NPNT: variants seen among roughly 807,000 people sequenced by gnomAD.
NPNT encodes nephronectin.
NPNT carries 45 observed loss-of-function variants against 68.6 expected under a neutral mutation model. That is an observed-to-expected ratio of 0.66 (90% CI 0.52 to 0.84). NPNT has a LOEUF of 0.84. Ranked by LOEUF, NPNT falls within the 40% of genes least tolerant of loss-of-function variation. The pLI is 0.00. For synonymous variants in NPNT, 233 were observed against 253.3 expected (o/e 0.92, Z 0.76); for missense variants, 672 against 714.8 (o/e 0.94, Z 0.68).
chr4:105,931,423 T>G (rs138905462), intron 3 of NPNT, among the ~76,000 whole-genome samples: 240 of 152,194 alleles, frequency 1.6e-3, no homozygotes, highest in African/African-American at 5.4e-3. Context: ...CAGATACTAA[T>G]TTTGTGGACT....
At chr4:105,953,718 G>T (rs1731004850) in intron 8 of NPNT, among the ~76,000 whole-genome samples, 1 of 152,152 alleles carries the variant, frequency 6.6e-6, no homozygotes, top group African/African-American at 2.4e-5. Flanking sequence ...ACAGCCTTCA[G>T]AATATTGGAA....
At position 105,964,688 on chromosome 4, in the gene NPNT, A is replaced by C. The variant is rs549682211; in HGVS notation, c.1346-2500A>C. Among the ~76,000 whole-genome samples the C allele has an allele frequency of 1.0e-3, 157 of 152,192 alleles. 1 individual carries two copies. Among genetic ancestry groups the C allele is most frequent in the Non-Finnish European group, 1.4e-3 (98 of 67,972 alleles). On this transcript the variant is annotated intron_variant, in intron 10 of 11. Transcript: ENST00000379987. ...TCTCTGATGTTCTTTATTTTTCTTTAGTATTTTTATTGATTTATGGAAGTT... is the reference window on the plus strand; with the variant it reads ...TCTCTGATGTTCTTTATTTTTCTTTCGTATTTTTATTGATTTATGGAAGTT...
At chr4:105,924,551 A>G (rs750696560) in intron 2 of NPNT, among the ~76,000 whole-genome samples, 2 of 152,216 alleles carry the variant, frequency 1.3e-5, no homozygotes, top group African/African-American at 2.4e-5. Flanking sequence ...TTGTTTTGAA[A>G]TAGGACTCCC....
rs369013194 is a variant in NPNT at position 105,925,017 on chromosome 4, A to G, written c.173-2319A>G. Among the ~76,000 whole-genome samples, 67 of 152,258 alleles carry G rather than the reference A, an allele frequency of 4.4e-4. No homozygotes were observed. The East Asian group carries it at 0.012, about 28-fold the overall frequency. Reference sequence around the variant, plus strand: ...TAAATGTTAAGATTTATGGAAGGTCATCTTTTTAGATTAAAAAGAATTTTT... The same window carrying G: ...TAAATGTTAAGATTTATGGAAGGTCGTCTTTTTAGATTAAAAAGAATTTTT... On this transcript the variant is annotated intron_variant, in intron 2 of 11. Transcript: ENST00000379987.
intron 4 of NPNT, 142 bp downstream of exon 4, chr4:105,937,270 G>T: frequency 1.3e-6 from 1 of 748,130 alleles, no homozygotes; most frequent in Non-Finnish European, 2.1e-6. Context: ...CTGAGGAATT[G>T]AAAATCAAAA....
intron 2 of NPNT, among the ~76,000 whole-genome samples, chr4:105,917,657 A>G (rs1427212525): frequency 6.6e-6 from 1 of 152,208 alleles, no homozygotes; most frequent in African/African-American, 2.4e-5. Context: ...TGAACTCAGC[A>G]TGAGGCGTGA....
At chr4:105,955,192 A>T (rs147571215) in intron 8 of NPNT, among the ~76,000 whole-genome samples, 7 of 152,280 alleles carry the variant, frequency 4.6e-5, no homozygotes, top group African/African-American at 1.7e-4. Context: ...AAATATATAT[A>T]TTGTGTATTT....
At chr4:105,925,185 T>TA (rs1349883080) in intron 2 of NPNT, among the ~76,000 whole-genome samples, 4 of 152,202 alleles carry the variant, frequency 2.6e-5, no homozygotes, top group African/African-American at 7.2e-5. Context: ...CTGGACAGTT[T>TA]ATTTCATTTC....
rs745380935 is a variant in NPNT, at chr4:105,967,424, C to T, written c.1582C>T (p.Arg528Ter). 1.9e-6 allele frequency: 3 copies of T among 1,594,532 alleles called. No homozygotes were observed. Among genetic ancestry groups the T allele is most frequent in the Non-Finnish European group, 2.6e-6 (3 of 1,171,422 alleles). Reference sequence around the variant, plus strand: ...CTGGAGGCAAACACAGATCACCTTGCGAGGGGCTGACATCAAGAGCGTAAG... The same window carrying T: ...CTGGAGGCAAACACAGATCACCTTGTGAGGGGCTGACATCAAGAGCGTAAG... The part of the protein sequence containing the change: ...HGWRQTQITL[R>*]GADIKSVVFK... Residue 528 changes from arginine (R) to a stop codon, truncating the protein, a stop_gained, in exon 11 of 12, where the codon CGA becomes TGA. Coordinates refer to ENST00000379987, the MANE Select transcript of NPNT (RefSeq NM_001033047.3). LOFTEE classifies it high-confidence loss of function.
At chr4:105,936,956 A>G (rs1729539468) in intron 3 of NPNT, 53 bp from the exon 4 acceptor site, 7 of 1,566,846 alleles carry the variant, frequency 4.5e-6, no homozygotes, top group East Asian at 2.3e-5. Context: ...TAGATGGCTT[A>G]CATTAGTGCT....
Position 105,959,011 on chromosome 4 carries a change from T to C in NPNT, c.1247-17T>C, listed in dbSNP as rs1031831962. 1 of 1,519,584 alleles carries C rather than the reference T, an allele frequency of 6.6e-7. No homozygotes were observed. The highest frequency in any genetic ancestry group is 1.4e-5 in the African/African-American group (1 of 73,160). The allele number at this position is 1,519,584 out of a possible 1,614,324, so 94.1% of individuals were successfully genotyped here. A position where few individuals can be genotyped will look rare whatever the true frequency, so the allele number is the denominator to read the frequency against. On this transcript the variant is annotated splice_polypyrimidine_tract_variant and intron_variant, in intron 9 of 11. Coordinates refer to ENST00000379987, the MANE Select transcript of NPNT (RefSeq NM_001033047.3). ...TGATTTTCTGATCCACTCATCTTTC[T>C]GATTATTTCCTTGTAGGTGTTCTGG...
At chr4:105,938,506 A>G in intron 5 of NPNT, 86 bp downstream of exon 5, 1 of 1,371,766 alleles carries the variant, frequency 7.3e-7, no homozygotes, top group Non-Finnish European at 1.0e-6. Flanking sequence ...AGGAAAAAAA[A>G]GGCAATTACT....
intron 3 of NPNT, among the ~76,000 whole-genome samples, chr4:105,931,347 T>C (rs751064938): frequency 1.3e-5 from 2 of 152,114 alleles, no homozygotes; most frequent in Non-Finnish European, 2.9e-5. Flanking sequence ...TGTTTTAGCA[T>C]GGTTTATGTT....
At chr4:105,910,488 T>C (rs1323662511) in intron 2 of NPNT, among the ~76,000 whole-genome samples, 1 of 148,318 alleles carries the variant, frequency 6.7e-6, no homozygotes, top group African/African-American at 2.6e-5. Flanking sequence ...AATGTTTTAA[T>C]GGGGTTTATA....
chr4:105,944,038 G>A lies in NPNT; in HGVS notation c.1159+1336G>A, dbSNP rs546805868. 2.6e-5 allele frequency among the ~76,000 whole-genome samples: 4 copies of A among 152,164 alleles called. No individual in the cohort carries two copies. The South Asian group carries it at 8.3e-4, about 32-fold the overall frequency. On this transcript the variant is annotated intron_variant, in intron 8 of 11. Coordinates refer to ENST00000379987, the MANE Select transcript of NPNT (RefSeq NM_001033047.3). ...TCAGAGCCGCATTTTGCTTGTATGT[G>A]ACTCTCAATTAAATTTTCTCCTCTG...
chr4:105,908,488 T>C (rs4600917), intron 2 of NPNT, among the ~76,000 whole-genome samples: 76,132 of 151,976 alleles, frequency 0.5, 22,688 homozygotes, highest in African/African-American at 0.83. Context: ...TAGTAATATA[T>C]ACAAAAGGAA....
intron 2 of NPNT, among the ~76,000 whole-genome samples, chr4:105,917,228 G>C (rs750427261): frequency 6.6e-6 from 1 of 152,192 alleles, no homozygotes; most frequent in African/African-American, 2.4e-5. Context: ...CGGCCCTTGG[G>C]TTTCCAGACT....
chr4:105,951,225 T>C (rs1730810707), intron 8 of NPNT, among the ~76,000 whole-genome samples: 2 of 152,182 alleles, frequency 1.3e-5, no homozygotes, highest in African/African-American at 4.8e-5. Flanking sequence ...AAGGCGTTAA[T>C]AGAAGCCAGA....
intron 7 of NPNT, among the ~76,000 whole-genome samples, chr4:105,941,284 T>C (rs1729931132): frequency 6.6e-6 from 1 of 152,112 alleles, no homozygotes; most frequent in South Asian, 2.1e-4. Context: ...AAGACTGCCA[T>C]GAGCCCAGTG....
Sources: gnomAD v4.1 joint callset for allele counts (sites outside exome capture counted in the v4.1 genomes callset) on GRCh38, gnomAD v4.1.1 for gene constraint, MANE v1.5 for transcripts, NCBI Gene and HGNC (gene_info 2026-07-23, HGNC 2026-07-21) for gene names.